The following VRK2 variants were observed in gnomAD, a reference collection of about 807,000 sequenced individuals.
The protein encoded by VRK2 is serine/threonine-protein kinase VRK2.
In VRK2, 60 loss-of-function variants were observed where a neutral mutation model predicts 57.6. That is an observed-to-expected ratio of 1.04 (90% confidence interval 0.85 to 1.29). The LOEUF (loss-of-function observed/expected upper bound fraction) is 1.29, where lower values mean the gene tolerates loss of function less well. VRK2 is among the 50% of genes most tolerant of loss of function. The pLI, the probability that VRK2 is intolerant of heterozygous loss-of-function variation, is 0.00. For missense variants in VRK2, 705 were observed against 588.1 expected (o/e 1.20, Z -2.06); for synonymous variants, 231 against 199.2 (o/e 1.16, Z -1.35).
At chr2:58,112,632 A>C (rs1429109368) in intron 7 of VRK2, among the ~76,000 whole-genome samples, 1 of 152,118 alleles carries the variant, frequency 6.6e-6, no homozygotes, top group African/African-American at 2.4e-5. Context: ...AGTCCTGAAA[A>C]TATGAGACTC....
At chr2:57,936,519 TTTTGTTTTTTTG>T (rs967898857) in intron 1 of VRK2, among the ~76,000 whole-genome samples, 7 of 142,068 alleles carry the variant, frequency 4.9e-5, no homozygotes, top group Admixed American at 6.9e-5. Context: ...TTTTGTTTTG[TTTTGTTTTTTTG>T]TTTTTTTTTT....
intron 1 of VRK2, among the ~76,000 whole-genome samples, chr2:57,954,983 AG>A (rs1465433179): frequency 3.9e-5 from 6 of 152,192 alleles, no homozygotes; most frequent in Non-Finnish European, 7.4e-5. Context: ...TTAAGTATAA[AG>A]CATAGATATG....
intron 1 of VRK2, among the ~76,000 whole-genome samples, chr2:57,975,684 A>G (rs1225922332): frequency 2.6e-5 from 4 of 151,362 alleles, no homozygotes; most frequent in African/African-American, 9.7e-5. Context: ...CCTGTCCCCA[A>G]CCATGTACCC....
In VRK2 at chr2:58,098,070, C is replaced by T. The variant is rs1673419479; in HGVS notation, c.543+8347C>T. On this transcript the variant is annotated intron_variant, in intron 7 of 12. Transcript: ENST00000340157. Reference sequence around the variant, plus strand: ...TTCATGATCTTCACCATGTGTAGGTCTAGGCTAATGGGTGTGTGATTGTGT... The same window carrying T: ...TTCATGATCTTCACCATGTGTAGGTTTAGGCTAATGGGTGTGTGATTGTGT... Among the ~76,000 whole-genome samples the T allele has an allele frequency of 2.6e-5, 4 of 151,304 alleles. No homozygotes were observed. In the South Asian group the frequency reaches 8.3e-4, roughly 32 times the overall value.
intron 12 of VRK2, among the ~76,000 whole-genome samples, chr2:58,158,527 T>C (rs1248533200): frequency 6.6e-6 from 1 of 151,964 alleles, no homozygotes; most frequent in Non-Finnish European, 1.5e-5. Flanking sequence ...CTGAGAATGA[T>C]GGACAGTGAA....
At chr2:58,031,439 T>C (rs1327744380) in intron 2 of VRK2, among the ~76,000 whole-genome samples, 1 of 152,028 alleles carries the variant, frequency 6.6e-6, no homozygotes, top group Non-Finnish European at 1.5e-5. Flanking sequence ...AGTATGACTG[T>C]TAATCTCCTC....
chr2:57,980,895 C>A (rs1672402969), intron 1 of VRK2, among the ~76,000 whole-genome samples: 1 of 151,966 alleles, frequency 6.6e-6, no homozygotes, highest in African/African-American at 2.4e-5. Flanking sequence ...AGATCTTTCT[C>A]CATCTCTTCA....
chr2:58,103,591 A>C (rs1432166506), intron 7 of VRK2, among the ~76,000 whole-genome samples: 1 of 151,674 alleles, frequency 6.6e-6, no homozygotes, highest in Non-Finnish European at 1.5e-5. Context: ...AGCGAGATAG[A>C]ATCGGTAATA....
At chr2:58,130,600 G>A (rs1226258423) in intron 8 of VRK2, among the ~76,000 whole-genome samples, 1 of 152,078 alleles carries the variant, frequency 6.6e-6, no homozygotes, top group Non-Finnish European at 1.5e-5. Flanking sequence ...AAGTAGTTAC[G>A]ATGTGTTGGC....
rs183699738 is a variant in VRK2 at position 58,131,269 on chromosome 2, C to A, written c.677-539C>A. 2.1e-4 allele frequency among the ~76,000 whole-genome samples: 31 copies of A among 149,710 alleles called. No homozygotes were observed. In the East Asian group the frequency reaches 6.0e-3, roughly 29 times the overall value. ...GTGATTGAAAAATCTTCAGAAAGAC[C>A]CTTTTTTTAATACTGCACACTAGAT... is the stretch of plus-strand genomic sequence containing the variant. On this transcript the variant is annotated intron_variant, in intron 8 of 12. Transcript: ENST00000340157.
chr2:58,089,290 AT>A (rs770638661), intron 6 of VRK2, among the ~76,000 whole-genome samples: 17 of 152,098 alleles, frequency 1.1e-4, no homozygotes, highest in Non-Finnish European at 2.5e-4. Context: ...CTTCAAGATT[AT>A]TTCACCATAG....
At chr2:58,009,849 G>A (rs1257252980) in intron 1 of VRK2, among the ~76,000 whole-genome samples, 1 of 151,856 alleles carries the variant, frequency 6.6e-6, no homozygotes, top group African/African-American at 2.4e-5. Context: ...TCTCCATACT[G>A]TTTTTTTCTC....
intron 11 of VRK2, among the ~76,000 whole-genome samples, chr2:58,144,085 A>G (rs1431536144): frequency 2.6e-5 from 4 of 151,948 alleles, no homozygotes; most frequent in East Asian, 3.9e-4. Flanking sequence ...GGAAATCCTG[A>G]CATTTGCAAC....
chr2:58,046,406 A>C (rs886337749), upstream of VRK2: 29 of 810,704 alleles, frequency 3.6e-5, no homozygotes, highest in African/African-American at 4.8e-4. Flanking sequence ...TAGTACCAAT[A>C]GTTAGTTGCT....
At chr2:58,075,179 A>G (rs1669913523) in intron 2 of VRK2, among the ~76,000 whole-genome samples, 2 of 152,080 alleles carry the variant, frequency 1.3e-5, no homozygotes, top group South Asian at 2.1e-4. Flanking sequence ...TTTGCTTAGG[A>G]CAATGGCCTC....
At chr2:57,999,164 T>G (rs572579808) in intron 1 of VRK2, among the ~76,000 whole-genome samples, 1 of 152,294 alleles carries the variant, frequency 6.6e-6, no homozygotes, top group East Asian at 1.9e-4. Context: ...ACCTCCATCT[T>G]AAATCAACTT....
chr2:57,997,281 T>A (rs1672954336), intron 1 of VRK2, among the ~76,000 whole-genome samples: 1 of 151,952 alleles, frequency 6.6e-6, no homozygotes, highest in Non-Finnish European at 1.5e-5. Context: ...ATAGACAAGA[T>A]TTCAATATGG....
At position 58,159,761 on chromosome 2, in the gene VRK2, T is replaced by C. The variant is rs748597099; in HGVS notation, c.*68T>C. ...GCTCTTCACCGAAATGTTGTATTCT[T>C]ATTTCAGTGTTTCCTTCCAGACATT... On this transcript the variant is annotated 3_prime_UTR_variant, in exon 13 of 13. Coordinates refer to ENST00000340157, the MANE Select transcript of VRK2 (RefSeq NM_006296.7). 1 of 1,613,290 alleles carries C rather than the reference T, an allele frequency of 6.2e-7. No individual in the cohort carries two copies. Among genetic ancestry groups the C allele is most frequent in the Non-Finnish European group, 8.5e-7 (1 of 1,179,616 alleles).
At chr2:58,141,698 G>A (rs1160929005) in intron 11 of VRK2, among the ~76,000 whole-genome samples, 1 of 151,916 alleles carries the variant, frequency 6.6e-6, no homozygotes, top group Non-Finnish European at 1.5e-5. Context: ...CTCACCATAT[G>A]TGGCTAAACT....
Sources: gnomAD v4.1 joint callset for allele counts (sites outside exome capture counted in the v4.1 genomes callset) on GRCh38, gnomAD v4.1.1 for gene constraint, MANE v1.5 for transcripts, NCBI Gene and HGNC (gene_info 2026-07-23, HGNC 2026-07-21) for gene names.